NYAP2: variants seen among roughly 807,000 people sequenced by gnomAD.
NYAP2 encodes the protein neuronal tyrosine-phosphorylated phosphoinositide-3-kinase adaptor 2.
A neutral mutation model predicts 50.4 loss-of-function variants in NYAP2; 23 were observed. The ratio of observed to expected loss-of-function variants is 0.46; its 90% confidence interval spans 0.33 to 0.65. The LOEUF is 0.65. Ranked by LOEUF, NYAP2 falls within the 30% of genes least tolerant of loss-of-function variation. NYAP2 has a pLI of 0.02. For synonymous variants in NYAP2, 394 were observed against 365.2 expected, an observed-to-expected ratio of 1.08 and a Z score of -0.90; for missense variants, 885 against 861.0, an observed-to-expected ratio of 1.03 and a Z score of -0.35.
At chr2:225,491,971 C>T (rs917468828) in intron 3 of NYAP2, among the ~76,000 whole-genome samples, 2 of 152,106 alleles carry the variant, frequency 1.3e-5, no homozygotes, top group Non-Finnish European at 2.9e-5. Context: ...AGATGATGAA[C>T]AGGTATAGAA....
chr2:225,455,148 T>C (rs1370125728), intron 3 of NYAP2, among the ~76,000 whole-genome samples: 3 of 152,146 alleles, frequency 2.0e-5, no homozygotes, highest in Non-Finnish European at 2.9e-5. Flanking sequence ...CCCCAGAGTC[T>C]TGGAAAGAGC....
intron 3 of NYAP2, among the ~76,000 whole-genome samples, chr2:225,483,777 GA>G (rs1406536400): frequency 6.6e-6 from 1 of 152,068 alleles, no homozygotes; most frequent in African/African-American, 2.4e-5. Flanking sequence ...TGCTAAATGA[GA>G]AAAAAATGTT....
At chr2:225,607,210 A>G (rs1692802683) in intron 5 of NYAP2, among the ~76,000 whole-genome samples, 1 of 152,078 alleles carries the variant, frequency 6.6e-6, no homozygotes. Flanking sequence ...CAGAGATGGT[A>G]TGGCCTAAAT....
the NYAP2 span, among the ~76,000 whole-genome samples, chr2:225,666,473 T>C: frequency 6.6e-6 from 1 of 152,128 alleles, no homozygotes; most frequent in Non-Finnish European, 1.5e-5. Flanking sequence ...GAGACATCAA[T>C]GAAATACATT....
At chr2:225,504,365 C>T (rs763502546) in intron 3 of NYAP2, among the ~76,000 whole-genome samples, 3 of 152,076 alleles carry the variant, frequency 2.0e-5, no homozygotes, top group Non-Finnish European at 1.5e-5. Flanking sequence ...TAATCACTTC[C>T]CAAAGTCTCC....
At chr2:225,682,579 G>T in the NYAP2 span, among the ~76,000 whole-genome samples, 1 of 152,274 alleles carries the variant, frequency 6.6e-6, no homozygotes, top group East Asian at 1.9e-4. Context: ...GGTGGAGGAG[G>T]AAAGGAGACT....
chr2:225,683,874 AT>A, the NYAP2 span, among the ~76,000 whole-genome samples: 1 of 151,282 alleles, frequency 6.6e-6, no homozygotes, highest in African/African-American at 2.4e-5. Context: ...AGGGACGTTC[AT>A]TTTTTTTTCT....
chr2:225,617,264 T>C (rs1291172780), intron 5 of NYAP2, among the ~76,000 whole-genome samples: 1 of 151,892 alleles, frequency 6.6e-6, no homozygotes, highest in East Asian at 1.9e-4. Flanking sequence ...CCATCTCTAC[T>C]AAAAAAATAA....
chr2:225,700,011 T>A, the NYAP2 span: 72 of 151,964 alleles, frequency 4.7e-4, no homozygotes, highest in African/African-American at 1.7e-3. Flanking sequence ...GATGTGTTTT[T>A]GAAGTTATTG....
In NYAP2 at chr2:225,582,517, A is replaced by G. The variant is rs1395419658; in HGVS notation, c.1100A>G (p.Glu367Gly). The G allele has an allele frequency of 6.6e-7, 1 of 1,507,968 alleles. No homozygotes were observed. The highest frequency in any genetic ancestry group is 2.5e-5 in the East Asian group (1 of 39,610). 93.4% of individuals were successfully genotyped at this position (1,507,968 alleles called of 1,614,324 possible). The change falls in exon 5 of 7, where the codon GAA becomes GGA. Residue 367 changes from glutamate (E) to glycine (G), a missense_variant. Physicochemically the swap from Glu to Gly is moderately conservative, Grantham distance 98. Coordinates refer to ENST00000636099, the Ensembl canonical transcript of NYAP2. The surrounding 1 kb of genome is among the most constrained non-coding windows in gnomAD (Gnocchi z 7.0). ...GAGGTCACGAAGCTTCCCGTGCTGG[A>G]AAACGTGTCTTACATGAAACAGCCA...
intron 4 of NYAP2, among the ~76,000 whole-genome samples, chr2:225,537,646 G>A (rs1019136765): frequency 6.6e-6 from 1 of 152,050 alleles, no homozygotes; most frequent in Non-Finnish European, 1.5e-5. Flanking sequence ...ATGAGATTTG[G>A]GTGGGGACAC....
the NYAP2 span, among the ~76,000 whole-genome samples, chr2:225,686,132 T>C: frequency 6.6e-6 from 1 of 152,166 alleles, no homozygotes; most frequent in South Asian, 2.1e-4. Flanking sequence ...TTTCATTGTA[T>C]GTCTGGTTAT....
the NYAP2 span, chr2:225,698,711 G>A: frequency 6.6e-6 from 1 of 151,922 alleles, no homozygotes; most frequent in Non-Finnish European, 1.5e-5. Context: ...TCCTTGCAAT[G>A]AAGGCACACT....
chr2:225,655,248 G>C (rs956594636), downstream of NYAP2, among the ~76,000 whole-genome samples: 3 of 152,190 alleles, frequency 2.0e-5, no homozygotes, highest in Non-Finnish European at 4.4e-5. Context: ...AAAGCATTTA[G>C]AGTTTGCCCC....
At chr2:225,451,997 T>C (rs895218501) in intron 3 of NYAP2, among the ~76,000 whole-genome samples, 2 of 152,064 alleles carry the variant, frequency 1.3e-5, no homozygotes, top group Admixed American at 1.3e-4. Flanking sequence ...TAAATTGTCA[T>C]TGAGAAATAT....
Position 225,582,283 on chromosome 2 carries a change from A to G in NYAP2, c.866A>G (p.His289Arg). ...CAAGACGCCAAATGTGACTTCGACC[A>G]TCACAGCTGTTCTTCGCAGTGTGCT... The change falls in exon 5 of 7, where the codon CAT becomes CGT. Residue 289 changes from histidine (H) to arginine (R), a missense_variant. Coordinates refer to ENST00000636099, the Ensembl canonical transcript of NYAP2. The surrounding 1 kb of genome is among the most constrained non-coding windows in gnomAD (Gnocchi z 7.0). 6.2e-7 allele frequency: 1 copy of G among 1,614,034 alleles called. No homozygotes were observed. The highest frequency in any genetic ancestry group is 8.5e-7 in the Non-Finnish European group (1 of 1,179,900).
intron 3 of NYAP2, among the ~76,000 whole-genome samples, chr2:225,478,203 C>A (rs1220723213): frequency 1.3e-5 from 2 of 151,988 alleles, no homozygotes; most frequent in Non-Finnish European, 2.9e-5. Flanking sequence ...TGGTAAGCAC[C>A]TATGTCCAAG....
At chr2:225,594,327 C>T (rs1315884820) in intron 5 of NYAP2, among the ~76,000 whole-genome samples, 1 of 151,978 alleles carries the variant, frequency 6.6e-6, no homozygotes, top group Non-Finnish European at 1.5e-5. Context: ...AGTTTGAGAC[C>T]AGCCTGGCCA....
At chr2:225,464,463 CT>C (rs944537928) in intron 3 of NYAP2, among the ~76,000 whole-genome samples, 4 of 152,146 alleles carry the variant, frequency 2.6e-5, no homozygotes, top group Non-Finnish European at 5.9e-5. Flanking sequence ...AGGGAAAATA[CT>C]TTGCGGGCCA....
Sources: allele counts gnomAD v4.1 joint callset (sites outside exome capture counted in the v4.1 genomes callset), GRCh38; gene constraint gnomAD v4.1.1; non-coding constraint Gnocchi (gnomAD v3.1); transcripts MANE v1.5; gene names NCBI Gene and HGNC (gene_info 2026-07-23, HGNC 2026-07-21).